The following LOXHD1 variants were observed in gnomAD, a reference collection of about 807,000 sequenced individuals.
LOXHD1 encodes the protein lipoxygenase homology domain-containing protein 1.
A neutral mutation model predicts 248.2 loss-of-function variants in LOXHD1; 205 were observed. That is an observed-to-expected ratio of 0.83 (90% CI 0.74 to 0.93). LOXHD1 has a LOEUF of 0.93. LOXHD1 is among the 40% of genes least tolerant of loss of function. The pLI is 0.00. For synonymous variants in LOXHD1, 1,113 were observed against 1,162.8 expected, an observed-to-expected ratio of 0.96 and a Z score of 0.87; for missense variants, 2,930 against 2,971.6, an observed-to-expected ratio of 0.99 and a Z score of 0.33.
intron 21 of LOXHD1, among the ~76,000 whole-genome samples, chr18:46,548,806 G>C (rs905114646): frequency 6.6e-6 from 1 of 152,164 alleles, no homozygotes; most frequent in Non-Finnish European, 1.5e-5. Flanking sequence ...CAAAGAGACA[G>C]AAAAGGTACA....
intron 37 of LOXHD1, among the ~76,000 whole-genome samples, chr18:46,493,287 CT>C (rs1383222420): frequency 6.6e-6 from 1 of 152,218 alleles, no homozygotes; most frequent in African/African-American, 2.4e-5. Flanking sequence ...TTGAGAAAGA[CT>C]TTGTTAACAA....
intron 34 of LOXHD1, among the ~76,000 whole-genome samples, chr18:46,510,411 G>A (rs978089239): frequency 2.0e-5 from 3 of 152,172 alleles, no homozygotes; most frequent in African/African-American, 7.2e-5. Context: ...AGAAGGTAAT[G>A]CTGCTTTTGT....
chr18:46,551,963 T>A (rs2037125547), intron 21 of LOXHD1, among the ~76,000 whole-genome samples: 1 of 152,090 alleles, frequency 6.6e-6, no homozygotes, highest in African/African-American at 2.4e-5. Flanking sequence ...AAAAGACAAA[T>A]TCTGTAGGAT....
intron 16 of LOXHD1, among the ~76,000 whole-genome samples, chr18:46,568,888 T>A (rs2037695101): frequency 6.6e-6 from 1 of 152,202 alleles, no homozygotes; most frequent in South Asian, 2.1e-4. Context: ...GATGAAGTGC[T>A]TAGACCACTT....
intron 8 of LOXHD1, 122 bp from the exon 9 acceptor site, chr18:46,594,588 C>A: frequency 8.3e-7 from 1 of 1,206,348 alleles, no homozygotes; most frequent in Non-Finnish European, 1.2e-6. Context: ...CAAGGAATGG[C>A]ACCTTTTCTG....
At chr18:46,557,238 C>T in intron 21 of LOXHD1, 118 bp downstream of exon 21, 1 of 1,254,718 alleles carries the variant, frequency 8.0e-7, no homozygotes, top group Non-Finnish European at 1.1e-6. Flanking sequence ...ACCCAGCCCA[C>T]CCTCACCCTC....
chr18:46,492,888 T>G (rs2033586428), intron 37 of LOXHD1, among the ~76,000 whole-genome samples: 1 of 152,218 alleles, frequency 6.6e-6, no homozygotes, highest in Non-Finnish European at 1.5e-5. Context: ...GTATCCAGGC[T>G]TGTACTTCTA....
At chr18:46,613,285 G>A (rs922166013) in intron 5 of LOXHD1, among the ~76,000 whole-genome samples, 3 of 151,990 alleles carry the variant, frequency 2.0e-5, no homozygotes, top group African/African-American at 7.2e-5. Flanking sequence ...AAAATTTATA[G>A]TTTTCCCAAA....
At position 46,507,671 on chromosome 18, in the gene LOXHD1, G is replaced by A. The variant is rs2034664618; in HGVS notation, c.5559C>T (p.Phe1853=). 2 of 1,551,740 alleles carry A rather than the reference G, an allele frequency of 1.3e-6. No homozygotes were observed. Among genetic ancestry groups the A allele is most frequent in the Non-Finnish European group, 1.7e-6 (2 of 1,146,988 alleles). The part of the protein sequence containing the change: ...KNMNTGDLTM[F]YYGDWLSQRK... ...GCTGGGACAGCCAGTCTCCATAGTA[G>A]AACATGGTCAGGTCTCCAGTGTTCA... is the stretch of plus-strand genomic sequence containing the variant. The change falls in exon 36 of 41, where the codon TTC becomes TTT. Residue 1853 remains phenylalanine, a synonymous_variant. Transcript: ENST00000642948.
chr18:46,538,807 G>A (rs551659497), intron 25 of LOXHD1, among the ~76,000 whole-genome samples: 6 of 152,242 alleles, frequency 3.9e-5, no homozygotes, highest in South Asian at 2.1e-4. Context: ...TGACTGGATC[G>A]GCCAGTCTAC....
intron 34 of LOXHD1, among the ~76,000 whole-genome samples, chr18:46,511,053 T>G (rs573066908): frequency 1.1e-4 from 17 of 152,366 alleles, no homozygotes; most frequent in African/African-American, 3.8e-4. Context: ...TCTTTGAATT[T>G]AGCCAAGTGT....
At position 46,596,053 on chromosome 18, in the gene LOXHD1, C is replaced by A. The variant is rs141601094; in HGVS notation, c.1135-1587G>T. Among the ~76,000 whole-genome samples, 753 of 152,188 alleles carry A rather than the reference C, an allele frequency of 4.9e-3. 8 individuals are homozygous for A. The highest frequency in any genetic ancestry group is 0.016 in the African/African-American group (666 of 41,514). On this transcript the variant is annotated intron_variant, in intron 8 of 40. Coordinates refer to ENST00000642948, the MANE Select transcript of LOXHD1 (RefSeq NM_001384474.1). ...TAAGCAACAAAATATAGTATTGTTA[C>A]TAGAGCTTGTGGTTTTTATCTCAGG...
At chr18:46,591,452 A>G (rs894356200) in intron 12 of LOXHD1, among the ~76,000 whole-genome samples, 2 of 152,190 alleles carry the variant, frequency 1.3e-5, no homozygotes, top group Non-Finnish European at 2.9e-5. Context: ...CCCTTTGGCT[A>G]TTTGAATGTG....
chr18:46,626,392 G>T (rs117162606), intron 4 of LOXHD1, among the ~76,000 whole-genome samples: 12,131 of 152,222 alleles, frequency 0.08, 625 homozygotes, highest in Non-Finnish European at 0.12. Flanking sequence ...CACAAAATTT[G>T]CCAGGTGTGG....
Position 46,545,439 on chromosome 18 carries a change from T to C in LOXHD1, c.3515-18A>G. 3 of 1,517,706 alleles carry C rather than the reference T, an allele frequency of 2.0e-6. No homozygotes were observed. Among genetic ancestry groups the C allele is most frequent in the Non-Finnish European group, 2.7e-6 (3 of 1,115,846 alleles). 94.0% of individuals were successfully genotyped at this position (1,517,706 alleles called of 1,614,324 possible). On this transcript the variant is annotated intron_variant, in intron 22 of 40. Coordinates refer to ENST00000642948, the MANE Select transcript of LOXHD1 (RefSeq NM_001384474.1). The stretch of plus-strand genomic sequence containing the variant: ...AGATTTATCTGCCAAGAGAATAGTA[T>C]AGAGCAATGAATTGTAGACTGTTCC...
intron 4 of LOXHD1, among the ~76,000 whole-genome samples, chr18:46,631,714 C>T (rs1341993102): frequency 6.6e-6 from 1 of 152,190 alleles, no homozygotes; most frequent in African/African-American, 2.4e-5. Flanking sequence ...AACAAGGAGC[C>T]AACTCAGTTA....
At chr18:46,611,700 C>A (rs982387489) in intron 5 of LOXHD1, among the ~76,000 whole-genome samples, 2 of 152,130 alleles carry the variant, frequency 1.3e-5, no homozygotes, top group Non-Finnish European at 2.9e-5. Flanking sequence ...CATGTACCCA[C>A]CATCCAGATT....
At chr18:46,482,841 C>T (rs902782362) in intron 40 of LOXHD1, among the ~76,000 whole-genome samples, 1 of 152,206 alleles carries the variant, frequency 6.6e-6, no homozygotes, top group Non-Finnish European at 1.5e-5. Context: ...CACAGTGGTT[C>T]TGGCCCTGTG....
chr18:46,638,966 G>A (rs144407005), intron 4 of LOXHD1, among the ~76,000 whole-genome samples: 191 of 152,270 alleles, frequency 1.3e-3, no homozygotes, highest in African/African-American at 4.3e-3. Context: ...TGATGGTGCC[G>A]GCAATGTAAT....
Sources: gnomAD v4.1 joint callset for allele counts (sites outside exome capture counted in the v4.1 genomes callset) on GRCh38, gnomAD v4.1.1 for gene constraint, MANE v1.5 for transcripts, NCBI Gene and HGNC (gene_info 2026-07-23, HGNC 2026-07-21) for gene names.